The following DIS3L2 variants were observed in gnomAD, a reference collection of about 807,000 sequenced individuals.
The protein encoded by DIS3L2 is DIS3 like 3'-5' exoribonuclease 2.
DIS3L2 carries 34 observed loss-of-function variants against 97.5 expected under a neutral mutation model. That is an observed-to-expected ratio of 0.35 (90% CI 0.27 to 0.46). DIS3L2 has a LOEUF of 0.46. DIS3L2 is among the 20% of genes least tolerant of loss of function. DIS3L2 has a pLI of 1.00. For missense variants in DIS3L2, 1,038 were observed against 1,146.0 expected, an observed-to-expected ratio of 0.91 and a Z score of 1.36; for synonymous variants, 435 against 445.2, an observed-to-expected ratio of 0.98 and a Z score of 0.29.
chr2:232,343,712 G>A (rs1696164719), exon 14 of DIS3L2: 3 of 966,338 alleles, frequency 3.1e-6, no homozygotes, highest in Non-Finnish European at 4.6e-6. Context: ...TTGTGGAAAA[G>A]TCAGAGTTAC....
intron 8 of DIS3L2, among the ~76,000 whole-genome samples, chr2:232,140,448 G>A (rs914146602): frequency 6.6e-6 from 1 of 152,142 alleles, no homozygotes; most frequent in African/African-American, 2.4e-5. Context: ...CTAGGAAGAT[G>A]TTGCACCATG....
At chr2:232,060,970 C>T (rs1263302216) in intron 5 of DIS3L2, among the ~76,000 whole-genome samples, 1 of 152,088 alleles carries the variant, frequency 6.6e-6, no homozygotes, top group East Asian at 1.9e-4. Context: ...TCTGTGTTGG[C>T]ATAGAGAAAT....
At chr2:232,122,186 G>A (rs181788474) in intron 6 of DIS3L2, among the ~76,000 whole-genome samples, 163 of 152,220 alleles carry the variant, frequency 1.1e-3, no homozygotes, top group African/African-American at 3.4e-3. Context: ...GCATACACCA[G>A]GCACACAGAA....
At chr2:232,271,588 T>C (rs1694009802) in intron 13 of DIS3L2, among the ~76,000 whole-genome samples, 2 of 152,248 alleles carry the variant, frequency 1.3e-5, no homozygotes, top group African/African-American at 2.4e-5. Flanking sequence ...CTCCTACATT[T>C]TCCCAGTTAC....
At chr2:232,140,205 C>T (rs1055110268) in intron 8 of DIS3L2, among the ~76,000 whole-genome samples, 2 of 152,172 alleles carry the variant, frequency 1.3e-5, no homozygotes, top group Non-Finnish European at 2.9e-5. Flanking sequence ...CTTTTAAACT[C>T]ATTTGTCCAC....
intron 7 of DIS3L2, among the ~76,000 whole-genome samples, chr2:232,135,447 C>G (rs1403279573): frequency 1.3e-5 from 2 of 152,126 alleles, no homozygotes; most frequent in East Asian, 3.8e-4. Context: ...TTAGGAGAGA[C>G]AGTTACATGC....
chr2:231,990,427 C>T (rs951763044), intron 1 of DIS3L2, among the ~76,000 whole-genome samples: 2 of 152,048 alleles, frequency 1.3e-5, no homozygotes, highest in Admixed American at 6.5e-5. Flanking sequence ...CAGTTTGATA[C>T]GAAAGTCTTT....
chr2:232,239,969 A>G (rs757155499), intron 11 of DIS3L2, among the ~76,000 whole-genome samples: 1 of 152,188 alleles, frequency 6.6e-6, no homozygotes, highest in Non-Finnish European at 1.5e-5. Context: ...CCTGTGGCCC[A>G]AGTTTAGTTC....
intron 6 of DIS3L2, among the ~76,000 whole-genome samples, chr2:232,115,382 A>G (rs1375438407): frequency 1.3e-5 from 2 of 152,188 alleles, no homozygotes; most frequent in Admixed American, 6.5e-5. Flanking sequence ...TTCAATCTTT[A>G]TGTCATACGA....
rs2106357556 is a variant in DIS3L2, at chr2:232,336,620, G to A, written c.2648G>A (p.Ser883Asn). 1 of 1,601,922 alleles carries A rather than the reference G, an allele frequency of 6.2e-7. No homozygotes were observed. The highest frequency in any genetic ancestry group is 8.5e-7 in the Non-Finnish European group (1 of 1,178,330). The stretch of plus-strand genomic sequence containing the variant: ...TCTGACGGTGAGCCCGAGGACTCAA[G>A]CACCAGCTGAGCTCCACCAGCCGCC... ...EESDGEPEDS[S>N]TS The change falls in exon 21 of 21, where the codon AGC becomes AAC. Residue 883 changes from serine (S) to asparagine (N), a missense_variant. Transcript: ENST00000325385.
intron 6 of DIS3L2, among the ~76,000 whole-genome samples, chr2:232,118,675 G>A (rs1697803267): frequency 6.6e-6 from 1 of 152,130 alleles, no homozygotes. Flanking sequence ...CTCCACAATA[G>A]CCATATAGCA....
At chr2:232,189,800 A>G (rs1691560488) in intron 9 of DIS3L2, among the ~76,000 whole-genome samples, 1 of 152,206 alleles carries the variant, frequency 6.6e-6, no homozygotes, top group Non-Finnish European at 1.5e-5. Flanking sequence ...ACAGTTTTGT[A>G]TGATTTTACC....
At chr2:232,265,678 T>C (rs1342802007) in intron 13 of DIS3L2, among the ~76,000 whole-genome samples, 1 of 152,224 alleles carries the variant, frequency 6.6e-6, no homozygotes, top group Admixed American at 6.5e-5. Flanking sequence ...AAAAACTAAG[T>C]TAAATGTTTT....
chr2:232,321,787 G>A (rs1399968661), intron 14 of DIS3L2, among the ~76,000 whole-genome samples: 1 of 152,178 alleles, frequency 6.6e-6, no homozygotes. Context: ...GCAAACAAGA[G>A]GCCCCCCCTT....
rs147782579 is a variant in DIS3L2, at chr2:232,089,881, C to T, written c.601+2160C>T. On this transcript the variant is annotated intron_variant, in intron 6 of 20. Transcript: ENST00000325385. Reference sequence around the variant, plus strand: ...TGCTGGCATCCAACCCAGAGTTTTGCGAAACTCTGATGCTATACCTCCTCT... The same window carrying T: ...TGCTGGCATCCAACCCAGAGTTTTGTGAAACTCTGATGCTATACCTCCTCT... Among the ~76,000 whole-genome samples the T allele has an allele frequency of 2.7e-4, 41 of 152,224 alleles. No homozygotes were observed. In the East Asian group the frequency reaches 6.8e-3, roughly 25 times the overall value.
At chr2:232,225,638 G>A (rs1371968020) in intron 10 of DIS3L2, among the ~76,000 whole-genome samples, 1 of 152,086 alleles carries the variant, frequency 6.6e-6, no homozygotes, top group African/African-American at 2.4e-5. Context: ...GTGGAACTGG[G>A]TGGTGGTTAC....
intron 11 of DIS3L2, 72 bp downstream of exon 11, chr2:232,238,717 C>T (rs1693001544): frequency 1.5e-6 from 2 of 1,339,794 alleles, no homozygotes; most frequent in African/African-American, 3.0e-5. Flanking sequence ...AGTGTGTGCT[C>T]TCTGTTATTA....
chr2:232,103,288 A>G (rs992306918), intron 6 of DIS3L2, among the ~76,000 whole-genome samples: 1 of 152,142 alleles, frequency 6.6e-6, no homozygotes, highest in Non-Finnish European at 1.5e-5. Context: ...GTTGCATAAT[A>G]GTGGTGATTG....
chr2:232,188,121 CAG>C (rs1424315492), intron 9 of DIS3L2, among the ~76,000 whole-genome samples: 6 of 151,842 alleles, frequency 4.0e-5, no homozygotes, highest in Admixed American at 3.9e-4. Context: ...GCCTGGGCGA[CAG>C]AGCAAGACTC....
Sources: gnomAD v4.1 joint callset for allele counts (sites outside exome capture counted in the v4.1 genomes callset) on GRCh38, gnomAD v4.1.1 for gene constraint, MANE v1.5 for transcripts, NCBI Gene and HGNC (gene_info 2026-07-23, HGNC 2026-07-21) for gene names.